Variants in DNAJB2 observed in about 807,000 individuals in gnomAD.
The protein encoded by DNAJB2 is dnaJ homolog subfamily B member 2.
A neutral mutation model predicts 33.3 loss-of-function variants in DNAJB2; 19 were observed. The observed-to-expected ratio is 0.57, with a 90% CI of 0.40 to 0.84. The LOEUF (loss-of-function observed/expected upper bound fraction) is 0.84. Among genes scored for constraint, DNAJB2 ranks in the 40% least tolerant of loss-of-function variants. The pLI is 0.00. For synonymous variants in DNAJB2, 172 were observed against 164.6 expected, an observed-to-expected ratio of 1.04 and a Z score of -0.34; for missense variants, 368 against 430.9, an observed-to-expected ratio of 0.85 and a Z score of 1.29.
At position 219,285,972 on chromosome 2, in the gene DNAJB2, C is replaced by T. The variant is rs1223687853; in HGVS notation, c.*985C>T. 2 of 1,612,264 alleles carry T rather than the reference C, an allele frequency of 1.2e-6. No individual in the cohort carries two copies. Among genetic ancestry groups the T allele is most frequent in the Non-Finnish European group, 1.7e-6 (2 of 1,179,738 alleles). On this transcript the variant is annotated 3_prime_UTR_variant, in exon 9 of 9. Coordinates refer to ENST00000336576, the MANE Select transcript of DNAJB2 (RefSeq NM_006736.6). ...GACGCTCTCTCCTGTCACCCCGCCC[C>T]TGCTCTCTCCCCAGATGTGTTCTGA...
Position 219,285,199 on chromosome 2 carries a change from G to A in DNAJB2, c.*212G>A, listed in dbSNP as rs1421026885. On this transcript the variant is annotated 3_prime_UTR_variant, in exon 9 of 9. Coordinates refer to ENST00000336576, the MANE Select transcript of DNAJB2 (RefSeq NM_006736.6). ...TGATAGGTCCCTGGTGAAGCCCAGG[G>A]TGGGGGGTGTCAGGGCAGTGGAGGG... The A allele has an allele frequency of 1.6e-6, 2 of 1,253,006 alleles. No homozygotes were observed. Among genetic ancestry groups the A allele is most frequent in the Non-Finnish European group, 2.0e-6 (2 of 998,670 alleles). The allele number at this position is 1,253,006 out of a possible 1,614,324, so 77.6% of individuals were successfully genotyped here.
rs1465407075 is a variant in DNAJB2 at position 219,283,208 on chromosome 2, T to C, written c.521T>C (p.Val174Ala). ...TCTGTTTCTACATCTACCACCTTTG[T>C]CCAAGGACGCCGCATCACCACACGC... ...FRSVSTSTTF[V>A]QGRRITTRRI... The change falls in exon 7 of 9, where the codon GTC becomes GCC. Residue 174 changes from valine (V) to alanine (A), a missense_variant. Coordinates refer to ENST00000336576, the MANE Select transcript of DNAJB2 (RefSeq NM_006736.6). 6.2e-7 allele frequency: 1 copy of C among 1,614,214 alleles called. No individual in the cohort carries two copies. The highest frequency in any genetic ancestry group is 1.3e-5 in the African/African-American group (1 of 75,052).
intron 6 of DNAJB2, 24 bp from the exon 7 acceptor site, chr2:219,283,109 C>T (rs1172122075): frequency 1.2e-6 from 2 of 1,613,254 alleles, no homozygotes; most frequent in African/African-American, 2.7e-5. Context: ...CACCTCTCCT[C>T]CTCCTCCCTT....
rs368218978 is a variant in DNAJB2, at chr2:219,285,944, G to C, written c.*957G>C. 42 of 1,608,890 alleles carry C rather than the reference G, an allele frequency of 2.6e-5. No homozygotes were observed. The highest frequency in any genetic ancestry group is 3.1e-5 in the Non-Finnish European group (36 of 1,178,966). On this transcript the variant is annotated 3_prime_UTR_variant, in exon 9 of 9. Transcript: ENST00000336576. ...TGAGCCCCATCCTCCACAGCTTGCC[G>C]CTGACGCTCTCTCCTGTCACCCCGC...
At position 219,284,312 on chromosome 2, in the gene DNAJB2, C is replaced by T. The variant is rs554354415; in HGVS notation, c.620-320C>T. Among the ~76,000 whole-genome samples the T allele has an allele frequency of 7.9e-4, 121 of 152,226 alleles. 1 individual carries two copies. The highest frequency in any genetic ancestry group is 2.1e-3 in the African/African-American group (88 of 41,506). On this transcript the variant is annotated intron_variant, in intron 8 of 8. Transcript: ENST00000336576. ...CCTAGGCTAGTCTCGAACTTCTAGG[C>T]TCAAGTGATCCTTCTACCTCGGCCT... is the stretch of plus-strand genomic sequence containing the variant.
In DNAJB2 at chr2:219,284,847, G is replaced by T; in HGVS notation, c.835G>T (p.Ala279Ser). 6.2e-7 allele frequency: 1 copy of T among 1,611,006 alleles called. No homozygotes were observed. Residue 279 changes from alanine to serine, a missense_variant, in exon 9 of 9, where the codon GCA becomes TCA. By Grantham distance (99) the Ala-to-Ser change is moderately conservative. Transcript: ENST00000336576. ...GAAGAAACCCGCAGGTGGGCGGGAG[G>T]CACAGCACCGACGGCAGGGGCGGCC... Reference protein sequence around the residue: ...AGKKPAGGREAQHRRQGRPKA... With the variant: ...AGKKPAGGRESQHRRQGRPKA...
rs1559287921 is a variant in DNAJB2, at chr2:219,285,610, G to T, written c.*623G>T. The T allele has an allele frequency of 9.2e-7, 1 of 1,082,620 alleles. No homozygotes were observed. Among genetic ancestry groups the T allele is most frequent in the Non-Finnish European group, 1.1e-6 (1 of 891,858 alleles). The allele number at this position is 1,082,620 out of a possible 1,614,324, so 67.1% of individuals were successfully genotyped here. ...CCTTCTTCCTTCCTTCCCCGAGAAG[G>T]CCTCAATGTGGCGAGGAAGATGCTG... On this transcript the variant is annotated 3_prime_UTR_variant, in exon 9 of 9. Transcript: ENST00000336576.
rs571641215 is a variant in DNAJB2 at position 219,280,052 on chromosome 2, G to T, written c.65+154G>T. On this transcript the variant is annotated intron_variant, in intron 2 of 8. Transcript: ENST00000336576. The stretch of plus-strand genomic sequence containing the variant: ...GAGTGACACCTGCAGGGAGGAAAGA[G>T]ACCCCTGGTAGAGTACAAGGAGAAC... 4.7e-5 allele frequency: 35 copies of T among 748,690 alleles called. No individual in the cohort carries two copies. In the African/African-American group the frequency reaches 5.6e-4, roughly 12 times the overall value. 46.4% of individuals were successfully genotyped at this position (748,690 alleles called of 1,614,324 possible).
At chr2:219,284,057 G>C (rs904600789) in intron 8 of DNAJB2, among the ~76,000 whole-genome samples, 20 of 152,082 alleles carry the variant, frequency 1.3e-4, no homozygotes, top group African/African-American at 4.8e-4. Context: ...TTTAATCATT[G>C]GAACAATTTG....
At chr2:219,283,046 G>C in intron 6 of DNAJB2, 87 bp from the exon 7 acceptor site, 6 of 1,585,808 alleles carry the variant, frequency 3.8e-6, no homozygotes, top group Non-Finnish European at 5.2e-6. Flanking sequence ...GCAGCCCTGC[G>C]AGGCGGCCTG....
In DNAJB2 at chr2:219,279,861, G is replaced by T. The variant is rs140932966; in HGVS notation, c.28G>T (p.Val10Leu). 6.2e-7 allele frequency: 1 copy of T among 1,614,024 alleles called. No individual in the cohort carries two copies. Among genetic ancestry groups the T allele is most frequent in the Non-Finnish European group, 8.5e-7 (1 of 1,179,972 alleles). ...GGCATCCTACTACGAGATCCTAGAC[G>T]TGCCGCGAAGTGCGTCCGCTGATGA... MASYYEILD[V>L]PRSASADDIK... Residue 10 changes from valine to leucine, a missense_variant, in exon 2 of 9, where the codon GTG becomes TTG. Transcript: ENST00000336576. The surrounding 1 kb of genome is among the most constrained non-coding windows in gnomAD (Gnocchi z 4.9).
At chr2:219,283,309 C>T (rs1006852724) in intron 7 of DNAJB2, 74 bp downstream of exon 7, 77 of 1,608,668 alleles carry the variant, frequency 4.8e-5, no homozygotes, top group Non-Finnish European at 4.7e-5. Context: ...AAAGTTGGCT[C>T]CTTGAGGGCA....
rs560816372 is a variant in DNAJB2, at chr2:219,284,600, T to G, written c.620-32T>G. 11 of 1,555,048 alleles carry G rather than the reference T, an allele frequency of 7.1e-6. No individual in the cohort carries two copies. The African/African-American group carries it at 1.1e-4, about 15-fold the overall frequency. On this transcript the variant is annotated intron_variant, in intron 8 of 8. Coordinates refer to ENST00000336576, the MANE Select transcript of DNAJB2 (RefSeq NM_006736.6). ...CTGGCAGTAATACCCCTGGCTCAGG[T>G]TGGGGCCTCATGGTGGCTGTGACTC... is the stretch of plus-strand genomic sequence containing the variant.
chr2:219,279,980 G>A lies in DNAJB2; in HGVS notation c.65+82G>A. The A allele has an allele frequency of 6.6e-7, 1 of 1,510,808 alleles. No individual in the cohort carries two copies. Among genetic ancestry groups the A allele is most frequent in the South Asian group, 1.1e-5 (1 of 87,648 alleles). 93.6% of individuals were successfully genotyped at this position (1,510,808 alleles called of 1,614,324 possible). ...GGGCACTTCAGAGTGACACCTGTAG[G>A]TGTCTGAGGGAACCAGGTCGTTAGA... On this transcript the variant is annotated intron_variant, in intron 2 of 8. Transcript: ENST00000336576. This position sits in a 1 kb window ranked among gnomAD's most constrained non-coding sequence, Gnocchi z 4.9.
In DNAJB2 at chr2:219,279,956, G is replaced by A; in HGVS notation, c.65+58G>A. On this transcript the variant is annotated intron_variant, in intron 2 of 8. Transcript: ENST00000336576. This position sits in a 1 kb window ranked among gnomAD's most constrained non-coding sequence, Gnocchi z 4.9. Reference sequence around the variant, plus strand: ...CACCCTCCACCCGCCACCACCATGGGGCACTTCAGAGTGACACCTGTAGGT... The same window carrying A: ...CACCCTCCACCCGCCACCACCATGGAGCACTTCAGAGTGACACCTGTAGGT... The A allele has an allele frequency of 1.9e-6, 3 of 1,598,840 alleles. No individual in the cohort carries two copies. The highest frequency in any genetic ancestry group is 2.6e-6 in the Non-Finnish European group (3 of 1,168,768).
At position 219,280,578 on chromosome 2, in the gene DNAJB2, G is replaced by A; in HGVS notation, c.66G>A (p.Ala22=). 4 of 1,613,528 alleles carry A rather than the reference G, an allele frequency of 2.5e-6. No homozygotes were observed. The highest frequency in any genetic ancestry group is 2.5e-6 in the Non-Finnish European group (3 of 1,179,582). Residue 22 remains alanine, a splice_region_variant and synonymous_variant, in exon 3 of 9, where the codon GCG becomes GCA. Coordinates refer to ENST00000336576, the MANE Select transcript of DNAJB2 (RefSeq NM_006736.6). ...RSASADDIKK[A]YRRKALQWHP... ...TCTCCTCTGCACCCACTTTCTGCAG[G>A]TATCGGCGCAAGGCTCTCCAGTGGC...
At chr2:219,281,690 G>C in intron 3 of DNAJB2, 28 bp from the exon 4 acceptor site, 1 of 1,613,768 alleles carries the variant, frequency 6.2e-7, no homozygotes, top group Non-Finnish European at 8.5e-7. Flanking sequence ...CCAGAGGGAG[G>C]GTGAAATGAT....
At chr2:219,282,956 C>A in intron 6 of DNAJB2, 27 bp downstream of exon 6, 1 of 1,567,906 alleles carries the variant, frequency 6.4e-7, no homozygotes, top group Non-Finnish European at 8.6e-7. Context: ...CCCACGTTTG[C>A]AAGCTCCGAT....
In DNAJB2 at chr2:219,284,971, G is replaced by T. The variant is rs756038105; in HGVS notation, c.959G>T (p.Arg320Leu). ...CCATCCCCAGAGGAGAAGGCCTCTC[G>T]CTGCCTCATCCTCTGAACACCGGGC... is the stretch of plus-strand genomic sequence containing the variant. ...RSPSPEEKAS[R>L]CLIL Residue 320 changes from arginine to leucine, a missense_variant, in exon 9 of 9, where the codon CGC becomes CTC. Arg to Leu is a moderately radical substitution (Grantham distance 102). Coordinates refer to ENST00000336576, the MANE Select transcript of DNAJB2 (RefSeq NM_006736.6). The T allele has an allele frequency of 4.6e-6, 7 of 1,519,040 alleles. No individual in the cohort carries two copies. The highest frequency in any genetic ancestry group is 4.1e-5 in the African/African-American group (3 of 72,762). The allele number at this position is 1,519,040 out of a possible 1,614,324, so 94.1% of individuals were successfully genotyped here.
Sources: gnomAD v4.1 joint callset for allele counts (sites outside exome capture counted in the v4.1 genomes callset) on GRCh38, gnomAD v4.1.1 for gene constraint, Gnocchi (gnomAD v3.1) non-coding constraint, MANE v1.5 for transcripts, NCBI Gene and HGNC (gene_info 2026-07-23, HGNC 2026-07-21) for gene names.